OPCML: variants seen among roughly 807,000 people sequenced by gnomAD.
OPCML encodes opioid-binding protein/cell adhesion molecule.
OPCML carries 13 observed loss-of-function variants against 37.8 expected under a neutral mutation model. That is an observed-to-expected ratio of 0.34 (90% CI 0.22 to 0.55). The LOEUF (loss-of-function observed/expected upper bound fraction) is 0.55. OPCML is among the 20% of genes least tolerant of loss of function. The pLI is 0.91. For synonymous variants in OPCML, 176 were observed against 168.8 expected, an observed-to-expected ratio of 1.04 and a Z score of -0.33; for missense variants, 341 against 435.6, an observed-to-expected ratio of 0.78 and a Z score of 1.93.
chr11:133,458,908 T>G (rs906684095), intron 1 of OPCML, among the ~76,000 whole-genome samples: 2 of 149,774 alleles, frequency 1.3e-5, no homozygotes, highest in Non-Finnish European at 3.0e-5. Context: ...TATATACACA[T>G]ATATATATAT....
At chr11:133,452,284 C>T (rs748141656) in intron 1 of OPCML, among the ~76,000 whole-genome samples, 2 of 144,844 alleles carry the variant, frequency 1.4e-5, no homozygotes, top group East Asian at 2.0e-4. Flanking sequence ...AACAGAGAAA[C>T]TTTAAAATCT....
intron 1 of OPCML, among the ~76,000 whole-genome samples, chr11:133,496,740 A>G (rs1261013092): frequency 6.6e-6 from 1 of 152,236 alleles, no homozygotes; most frequent in Admixed American, 6.5e-5. Context: ...TGATTTGTGT[A>G]CATTAAACTT....
At chr11:133,477,415 A>G (rs1947266736) in intron 1 of OPCML, among the ~76,000 whole-genome samples, 1 of 152,198 alleles carries the variant, frequency 6.6e-6, no homozygotes, top group Non-Finnish European at 1.5e-5. Context: ...ACAGGAATAC[A>G]TCAGACACCT....
chr11:133,211,994 T>G lies in OPCML; in HGVS notation c.62-268984A>C, dbSNP rs1478036841. Among the ~76,000 whole-genome samples, 2 of 152,154 alleles carry G rather than the reference T, an allele frequency of 1.3e-5. No individual in the cohort carries two copies. The highest frequency in any genetic ancestry group is 2.9e-5 in the Non-Finnish European group (2 of 68,046). On this transcript the variant is annotated intron_variant, in intron 1 of 7. Transcript: ENST00000524381. The surrounding 1 kb of genome is among the most constrained non-coding windows in gnomAD (Gnocchi z 4.1). ...CTGGGCTGTCAGATGGCAAGCCTAG[T>G]GCATACAGCCTGATAGCAGATTGAC...
intron 1 of OPCML, among the ~76,000 whole-genome samples, chr11:133,051,058 T>TATACACACAC (rs1555083177): frequency 6.8e-6 from 1 of 147,992 alleles, no homozygotes; most frequent in East Asian, 2.0e-4. Context: ...TGTGTGTACA[T>TATACACACAC]ACACACACAC....
chr11:133,453,440 A>G (rs1946617226), intron 1 of OPCML, among the ~76,000 whole-genome samples: 1 of 152,226 alleles, frequency 6.6e-6, no homozygotes, highest in African/African-American at 2.4e-5. Context: ...TTTCTTTTTC[A>G]TAGGGTACAA....
At chr11:132,668,466 C>T (rs565868744) in intron 2 of OPCML, among the ~76,000 whole-genome samples, 14 of 152,184 alleles carry the variant, frequency 9.2e-5, no homozygotes, top group South Asian at 2.1e-4. Flanking sequence ...GTGGGATGAA[C>T]GTATTTTCCT....
At chr11:132,854,405 T>G (rs933818394) in intron 2 of OPCML, among the ~76,000 whole-genome samples, 1 of 152,190 alleles carries the variant, frequency 6.6e-6, no homozygotes, top group Non-Finnish European at 1.5e-5. Context: ...CATTGACCAT[T>G]GGTGATCAAA....
chr11:132,473,422 A>T (rs1412366785), intron 4 of OPCML, among the ~76,000 whole-genome samples: 2 of 152,210 alleles, frequency 1.3e-5, no homozygotes, highest in Non-Finnish European at 2.9e-5. Context: ...ATCACTAAGG[A>T]AACCTAACTA....
intron 1 of OPCML, among the ~76,000 whole-genome samples, chr11:133,207,274 T>G (rs1486042095): frequency 6.6e-6 from 1 of 152,078 alleles, no homozygotes; most frequent in Non-Finnish European, 1.5e-5. Flanking sequence ...CCCTCCAGCC[T>G]GGGCGACAGA....
At chr11:132,724,396 T>G (rs1288897969) in intron 2 of OPCML, among the ~76,000 whole-genome samples, 1 of 152,094 alleles carries the variant, frequency 6.6e-6, no homozygotes, top group Non-Finnish European at 1.5e-5. Context: ...AACCATGAGA[T>G]CTCGTGAGAC....
At chr11:132,537,688 C>G (rs77637036) in intron 3 of OPCML, among the ~76,000 whole-genome samples, 2,350 of 152,198 alleles carry the variant, frequency 0.015, 56 homozygotes, top group African/African-American at 0.048. Flanking sequence ...TATCTAATAA[C>G]GGACTACTGT....
At chr11:132,808,927 C>T (rs1327126160) in intron 2 of OPCML, among the ~76,000 whole-genome samples, 1 of 151,258 alleles carries the variant, frequency 6.6e-6, no homozygotes, top group Admixed American at 6.6e-5. Context: ...TAATTCAGAC[C>T]TTTGTTATTC....
chr11:133,085,897 C>G (rs1313189571), intron 1 of OPCML, among the ~76,000 whole-genome samples: 1 of 152,204 alleles, frequency 6.6e-6, no homozygotes, highest in Non-Finnish European at 1.5e-5. Context: ...GTAGCCAAGT[C>G]ATCTCTGGAA....
chr11:132,693,489 C>A (rs1230408141), intron 2 of OPCML, among the ~76,000 whole-genome samples: 1 of 152,084 alleles, frequency 6.6e-6, no homozygotes, highest in Non-Finnish European at 1.5e-5. Flanking sequence ...AGAATTAGCA[C>A]CTAAACTTCC....
chr11:132,455,525 C>T (rs1300093088), intron 4 of OPCML, among the ~76,000 whole-genome samples: 1 of 152,108 alleles, frequency 6.6e-6, no homozygotes, highest in Non-Finnish European at 1.5e-5. Flanking sequence ...TGAGATGCCA[C>T]TTAGGAGCAT....
intron 4 of OPCML, among the ~76,000 whole-genome samples, chr11:132,513,331 A>G (rs535568819): frequency 6.6e-4 from 100 of 152,286 alleles, no homozygotes; most frequent in African/African-American, 2.3e-3. Context: ...CTGGCAAAAA[A>G]GCAACATTCA....
At chr11:132,722,407 T>G (rs993577560) in intron 2 of OPCML, among the ~76,000 whole-genome samples, 2 of 152,122 alleles carry the variant, frequency 1.3e-5, no homozygotes, top group Non-Finnish European at 2.9e-5. Flanking sequence ...TTCTTCTTCT[T>G]ATAAAAACAA....
intron 2 of OPCML, among the ~76,000 whole-genome samples, chr11:132,677,583 G>T (rs1406981262): frequency 6.6e-6 from 1 of 152,132 alleles, no homozygotes; most frequent in African/African-American, 2.4e-5. Flanking sequence ...GGACAGAATA[G>T]AGAGCTTCCA....
Sources: gnomAD v4.1 joint callset for allele counts (sites outside exome capture counted in the v4.1 genomes callset) on GRCh38, gnomAD v4.1.1 for gene constraint, Gnocchi (gnomAD v3.1) non-coding constraint, MANE v1.5 for transcripts, NCBI Gene and HGNC (gene_info 2026-07-23, HGNC 2026-07-21) for gene names.